Variants in TMEM106B observed in about 807,000 individuals in gnomAD.
TMEM106B encodes transmembrane protein 106B.
TMEM106B carries 15 observed loss-of-function variants against 31.1 expected under a neutral mutation model. That is an observed-to-expected ratio of 0.48 (90% confidence interval 0.32 to 0.74). The LOEUF is 0.74. Ranked by LOEUF, TMEM106B falls within the 30% of genes least tolerant of loss-of-function variation. The pLI, the probability that TMEM106B is intolerant of heterozygous loss-of-function variation, is 0.03. For missense variants in TMEM106B, 283 were observed against 327.3 expected, an observed-to-expected ratio of 0.86 and a Z score of 1.04; for synonymous variants, 126 against 112.5, an observed-to-expected ratio of 1.12 and a Z score of -0.76.
At chr7:12,211,915 C>T (rs1781586107) in intron 1 of TMEM106B, among the ~76,000 whole-genome samples, 1 of 152,160 alleles carries the variant, frequency 6.6e-6, no homozygotes, top group African/African-American at 2.4e-5. Context: ...GTCTGATATC[C>T]ATGTTGACTT....
In TMEM106B at chr7:12,225,496, G is replaced by C. The variant is rs138328979; in HGVS notation, c.441+1111G>C. ...TTACAGTCCCTCCAACAGTGTAAAA[G>C]TGTTCCTATTTCTCCACATCCTCTC... On this transcript the variant is annotated intron_variant, in intron 4 of 7. Coordinates refer to ENST00000396668, the MANE Select transcript of TMEM106B (RefSeq NM_001134232.2). 2.7e-3 allele frequency among the ~76,000 whole-genome samples: 404 copies of C among 152,306 alleles called. 13 individuals are homozygous for C. The East Asian group carries it at 0.067, about 25-fold the overall frequency.
chr7:12,230,005 C>T (rs1781985854), intron 5 of TMEM106B, among the ~76,000 whole-genome samples, 186 bp downstream of exon 5: 2 of 151,814 alleles, frequency 1.3e-5, no homozygotes, highest in African/African-American at 2.4e-5. Context: ...CTGCTTGAGC[C>T]CAGGAATTCG....
At chr7:12,231,440 G>A (rs185207505) in intron 7 of TMEM106B, 1 of 259,984 alleles carries the variant, frequency 3.8e-6, no homozygotes, top group East Asian at 8.5e-5. Context: ...AATATTATTG[G>A]TTTGTAAATT....
chr7:12,223,746 A>T (rs1299188074), intron 3 of TMEM106B, among the ~76,000 whole-genome samples: 1 of 125,974 alleles, frequency 7.9e-6, no homozygotes, highest in Admixed American at 8.3e-5. Context: ...TTTGGTACAG[A>T]GTCTCGCTCT....
intron 3 of TMEM106B, among the ~76,000 whole-genome samples, chr7:12,222,399 G>A (rs897589533): frequency 6.6e-5 from 10 of 151,982 alleles, no homozygotes; most frequent in African/African-American, 1.2e-4. Flanking sequence ...AGTAATGTTC[G>A]TTATGGCTAC....
chr7:12,222,456 A>G (rs1437455891), intron 3 of TMEM106B, among the ~76,000 whole-genome samples: 1 of 152,182 alleles, frequency 6.6e-6, no homozygotes, highest in Non-Finnish European at 1.5e-5. Flanking sequence ...TTTATTCACA[A>G]CTAGGACTGA....
intron 2 of TMEM106B, chr7:12,215,490 G>A: frequency 5.7e-6 from 1 of 176,258 alleles, no homozygotes; most frequent in Admixed American, 6.2e-5. Flanking sequence ...TCCCACCTCG[G>A]CTTCCCAGAG....
chr7:12,229,760 G>A lies in TMEM106B; in HGVS notation c.523G>A (p.Val175Ile). The part of the protein sequence containing the change: ...ITAQVQFSKT[V>I]IGKARLNNIT... The stretch of plus-strand genomic sequence containing the variant: ...TGCCCAAGTTCAATTTTCAAAAACA[G>A]TTATTGGAAAGGCACGCTTAAACAA... Residue 175 changes from valine (V) to isoleucine (I), a missense_variant, in exon 5 of 8, where the codon GTT becomes ATT. Val to Ile is a conservative substitution (Grantham distance 29). Around this residue, in one of 3 missense-constraint regions of TMEM106B, gnomAD observed 201 missense variants for 211.5 expected, o/e 0.95. Coordinates refer to ENST00000396668, the MANE Select transcript of TMEM106B (RefSeq NM_001134232.2). 3 of 1,613,266 alleles carry A rather than the reference G, an allele frequency of 1.9e-6. No homozygotes were observed. Among genetic ancestry groups the A allele is most frequent in the Non-Finnish European group, 2.5e-6 (3 of 1,179,708 alleles).
chr7:12,230,954 A>ATATT (rs947166899), intron 6 of TMEM106B, 108 bp from the exon 7 acceptor site: 1 of 710,272 alleles, frequency 1.4e-6, no homozygotes, highest in African/African-American at 1.8e-5. Flanking sequence ...CAACCAACAA[A>ATATT]TGCTTATTAT....
rs1781850079 is a variant in TMEM106B at position 12,224,214 on chromosome 7, T to G, written c.282-12T>G. ...ATGCACATGTACTTAAATACCCTCT[T>G]TTCCTTTTCAGAAAGCTGTATGTGA... is the stretch of plus-strand genomic sequence containing the variant. On this transcript the variant is annotated splice_polypyrimidine_tract_variant and intron_variant, in intron 3 of 7. Transcript: ENST00000396668. 2.5e-6 allele frequency: 4 copies of G among 1,608,966 alleles called. No individual in the cohort carries two copies. In the South Asian group the frequency reaches 3.3e-5, roughly 13 times the overall value.
chr7:12,221,709 C>G (rs1781791465), intron 3 of TMEM106B, among the ~76,000 whole-genome samples: 1 of 152,194 alleles, frequency 6.6e-6, no homozygotes, highest in African/African-American at 2.4e-5. Flanking sequence ...AAGGAAGGAA[C>G]CAACCCAGGC....
intron 1 of TMEM106B, among the ~76,000 whole-genome samples, chr7:12,212,101 A>G (rs962625953): frequency 5.3e-5 from 8 of 152,224 alleles, no homozygotes; most frequent in Non-Finnish European, 1.2e-4. Flanking sequence ...TTTCTCACAG[A>G]GTCTGGCACT....
rs1387242598 is a variant in TMEM106B at position 12,238,452 on chromosome 7, C to T, written c.*6477C>T. On this transcript the variant is annotated 3_prime_UTR_variant, in exon 8 of 8. Coordinates refer to ENST00000396668, the MANE Select transcript of TMEM106B (RefSeq NM_001134232.2). Reference sequence around the variant, plus strand: ...TTTCTTTCAAACTCCTGTTAATGTTCATATTTAGACCTCTTCCCCTGAATC... The same window carrying T: ...TTTCTTTCAAACTCCTGTTAATGTTTATATTTAGACCTCTTCCCCTGAATC... 2 of 152,250 alleles carry T rather than the reference C, an allele frequency of 1.3e-5. No individual in the cohort carries two copies. The highest frequency in any genetic ancestry group is 2.9e-5 in the Non-Finnish European group (2 of 68,038). 9.4% of individuals were successfully genotyped at this position (152,250 alleles called of 1,614,324 possible).
chr7:12,213,909 A>G (rs1313996090), intron 1 of TMEM106B, among the ~76,000 whole-genome samples: 5 of 152,164 alleles, frequency 3.3e-5, no homozygotes, highest in Non-Finnish European at 4.4e-5. Flanking sequence ...CCATGATGAA[A>G]AGGTGGGTGG....
At chr7:12,227,631 A>ATTTCATGTTATT (rs377091203) in intron 4 of TMEM106B, among the ~76,000 whole-genome samples, 1 of 150,790 alleles carries the variant, frequency 6.6e-6, no homozygotes, top group Non-Finnish European at 1.5e-5. Flanking sequence ...TTAGGAAAAC[A>ATTTCATGTTATT]TCTTTGTGCT....
chr7:12,224,462 A>C, intron 4 of TMEM106B, 77 bp downstream of exon 4: 1 of 1,258,168 alleles, frequency 7.9e-7, no homozygotes, highest in Non-Finnish European at 1.1e-6. Context: ...CCCCATTGAG[A>C]AGAGATGTTT....
At position 12,237,181 on chromosome 7, in the gene TMEM106B, C is replaced by A. The variant is rs774680054; in HGVS notation, c.*5206C>A. The A allele has an allele frequency of 1.3e-5, 2 of 151,894 alleles. No individual in the cohort carries two copies. Among genetic ancestry groups the A allele is most frequent in the Non-Finnish European group, 2.9e-5 (2 of 67,960 alleles). 9.4% of individuals were successfully genotyped at this position (151,894 alleles called of 1,614,324 possible). Reference sequence around the variant, plus strand: ...TGCTATTTTTTTAATTCAGTTATAACTGTTACTCTTGTAGTTGTGTATGAC... The same window carrying A: ...TGCTATTTTTTTAATTCAGTTATAAATGTTACTCTTGTAGTTGTGTATGAC... On this transcript the variant is annotated 3_prime_UTR_variant, in exon 8 of 8. Coordinates refer to ENST00000396668, the MANE Select transcript of TMEM106B (RefSeq NM_001134232.2).
chr7:12,214,722 C>G (rs1781652152), intron 1 of TMEM106B, 87 bp from the exon 2 acceptor site: 2 of 1,127,368 alleles, frequency 1.8e-6, no homozygotes, highest in South Asian at 1.6e-5. Flanking sequence ...CTTGACTGTT[C>G]TAAATTAATT....
At position 12,233,235 on chromosome 7, in the gene TMEM106B, A is replaced by ATTT. The variant is rs545382980; in HGVS notation, c.*1273_*1275dup. The stretch of plus-strand genomic sequence containing the variant: ...TTTTATATTTTCAGTATCATTTTTC[A>ATTT]TTTTTTTTTTTTTTTGTCTTTTCAC... On this transcript the variant is annotated 3_prime_UTR_variant, in exon 8 of 8. Coordinates refer to ENST00000396668, the MANE Select transcript of TMEM106B (RefSeq NM_001134232.2). 2.2e-4 allele frequency: 19 copies of ATTT among 87,174 alleles called. No individual in the cohort carries two copies. Among genetic ancestry groups the ATTT allele is most frequent in the South Asian group, 4.4e-4 (1 of 2,270 alleles). 5.4% of individuals were successfully genotyped at this position (87,174 alleles called of 1,614,324 possible).
Sources: allele counts gnomAD v4.1 joint callset (sites outside exome capture counted in the v4.1 genomes callset), GRCh38; gene constraint gnomAD v4.1.1; regional missense constraint gnomAD v4.1.1; transcripts MANE v1.5; gene names NCBI Gene and HGNC (gene_info 2026-07-23, HGNC 2026-07-21).